Variants in HERC1 observed in about 807,000 individuals in gnomAD.
HERC1 encodes HECT and RLD domain containing E3 ubiquitin protein ligase family member 1.
HERC1 carries 160 observed loss-of-function variants against 554.3 expected under a neutral mutation model. The observed-to-expected ratio is 0.29, with a 90% confidence interval of 0.25 to 0.33. HERC1 has a LOEUF of 0.33. HERC1 is among the 10% of genes least tolerant of loss of function. HERC1 has a pLI of 1.00. For missense variants in HERC1, 4,919 were observed against 5,918.5 expected, an observed-to-expected ratio of 0.83 and a Z score of 5.54; for synonymous variants, 2,175 against 2,131.7, an observed-to-expected ratio of 1.02 and a Z score of -0.56.
intron 37 of HERC1, among the ~76,000 whole-genome samples, chr15:63,676,074 G>A (rs907923658): frequency 6.6e-6 from 1 of 151,764 alleles, no homozygotes; most frequent in Non-Finnish European, 1.5e-5. Context: ...TGGCTTTTTT[G>A]TATTTTTAGT....
chr15:63,797,864 C>CA (rs1490842464), intron 1 of HERC1, among the ~76,000 whole-genome samples: 1 of 152,070 alleles, frequency 6.6e-6, no homozygotes, highest in Non-Finnish European at 1.5e-5. Context: ...AAACAATTTT[C>CA]AAAAAATTAA....
At chr15:63,715,377 T>G (rs2073501614) in intron 22 of HERC1, among the ~76,000 whole-genome samples, 2 of 152,220 alleles carry the variant, frequency 1.3e-5, no homozygotes, top group Admixed American at 1.3e-4. Context: ...TCCAGGAATT[T>G]CTAAACTAAA....
intron 1 of HERC1, among the ~76,000 whole-genome samples, chr15:63,811,158 G>T (rs1042410300): frequency 6.6e-6 from 1 of 152,192 alleles, no homozygotes; most frequent in Non-Finnish European, 1.5e-5. Context: ...AAACAAGAAA[G>T]ATTTAAACAC....
intron 19 of HERC1, among the ~76,000 whole-genome samples, chr15:63,722,736 A>G (rs2073874226): frequency 6.6e-6 from 1 of 152,148 alleles, no homozygotes; most frequent in South Asian, 2.1e-4. Context: ...TAATTGTTCT[A>G]TTTTATTACT....
intron 19 of HERC1, among the ~76,000 whole-genome samples, chr15:63,720,737 T>G (rs1214584579): frequency 6.6e-6 from 1 of 152,178 alleles, no homozygotes; most frequent in South Asian, 2.1e-4. Flanking sequence ...TTGCTTGCTA[T>G]TCTGAGAACT....
chr15:63,802,768 G>A (rs1399767925), intron 1 of HERC1, among the ~76,000 whole-genome samples: 1 of 152,222 alleles, frequency 6.6e-6, no homozygotes, highest in Admixed American at 6.5e-5. Context: ...GTTACTGCAA[G>A]TAAGTTTAAG....
In HERC1 at chr15:63,666,468, C is replaced by T. The variant is rs2070644660; in HGVS notation, c.8211G>A (p.Leu2737=). The part of the protein sequence containing the change: ...QSARPANRTA[L]SDPSSRLSTS... ...TTGAAAGTCTACTGCTTGGGTCTGA[C>T]AAGGCTGAGACAAAAGGAAGAGAAA... is the stretch of plus-strand genomic sequence containing the variant. Residue 2737 remains leucine, a synonymous_variant, in exon 41 of 78, where the codon TTG becomes TTA. Transcript: ENST00000443617. 1 of 1,596,130 alleles carries T rather than the reference C, an allele frequency of 6.3e-7. No homozygotes were observed. The highest frequency in any genetic ancestry group is 1.1e-5 in the South Asian group (1 of 89,556).
chr15:63,616,802 C>A, intron 74 of HERC1, 120 bp from the exon 75 acceptor site: 1 of 850,758 alleles, frequency 1.2e-6, no homozygotes. Flanking sequence ...ATCCATTAGC[C>A]ACATAAGGCT....
intron 42 of HERC1, 86 bp downstream of exon 42, chr15:63,665,833 T>C: frequency 2.1e-6 from 2 of 935,020 alleles, no homozygotes; most frequent in East Asian, 2.4e-5. Context: ...TACATACAAT[T>C]AGAAGCATTT....
chr15:63,612,654 C>T lies in HERC1; in HGVS notation c.14095-98G>A, dbSNP rs1263567723. On this transcript the variant is annotated intron_variant, in intron 76 of 77. Coordinates refer to ENST00000443617, the MANE Select transcript of HERC1 (RefSeq NM_003922.4). This position sits in a 1 kb window ranked among gnomAD's most constrained non-coding sequence, Gnocchi z 5.0. The stretch of plus-strand genomic sequence containing the variant: ...AGGCGCCTCCTGATGCCTGCTCGTC[C>T]GCTCCCCAGACCCTCTACTTGTTTC... 5.2e-6 allele frequency: 6 copies of T among 1,158,290 alleles called. No homozygotes were observed. Among genetic ancestry groups the T allele is most frequent in the South Asian group, 4.5e-5 (3 of 66,296 alleles). The allele number at this position is 1,158,290 out of a possible 1,614,324, so 71.8% of individuals were successfully genotyped here. A position where few individuals can be genotyped will look rare whatever the true frequency, so the allele number is the denominator to read the frequency against.
rs1202458308 is a variant in HERC1 at position 63,727,127 on chromosome 15, T to C, written c.3346+520A>G. Among the ~76,000 whole-genome samples, 2 of 151,978 alleles carry C rather than the reference T, an allele frequency of 1.3e-5. No individual in the cohort carries two copies. The highest frequency in any genetic ancestry group is 2.9e-5 in the Non-Finnish European group (2 of 67,980). ...CCCGTCTCTACTAAAAATACAAAAA[T>C]TAGCTGGACGTGGTGGTGCATGCCT... On this transcript the variant is annotated intron_variant, in intron 17 of 77. Coordinates refer to ENST00000443617, the MANE Select transcript of HERC1 (RefSeq NM_003922.4). The surrounding 1 kb of genome is among the most constrained non-coding windows in gnomAD (Gnocchi z 4.3).
intron 51 of HERC1, 72 bp from the exon 52 acceptor site, chr15:63,652,613 C>A: frequency 1.6e-6 from 2 of 1,259,846 alleles, no homozygotes; most frequent in Non-Finnish European, 2.2e-6. Flanking sequence ...AAGTTGTATC[C>A]AATTTTTAAA....
intron 27 of HERC1, 93 bp downstream of exon 27, chr15:63,696,031 A>G: frequency 1.1e-6 from 1 of 921,956 alleles, no homozygotes; most frequent in East Asian, 2.6e-5. Flanking sequence ...TGTATTTTTA[A>G]ACTGAATCAT....
At chr15:63,643,324 C>T in intron 58 of HERC1, 80 bp downstream of exon 58, 1 of 1,257,336 alleles carries the variant, frequency 8.0e-7, no homozygotes, top group Non-Finnish European at 1.1e-6. Flanking sequence ...AATGTTTCTA[C>T]AATTGGTTAA....
intron 1 of HERC1, among the ~76,000 whole-genome samples, chr15:63,818,900 A>C (rs1045168320): frequency 1.3e-5 from 2 of 152,240 alleles, no homozygotes; most frequent in Admixed American, 1.3e-4. Context: ...AGTAGGTTTT[A>C]ATTAAAATAT....
intron 76 of HERC1, among the ~76,000 whole-genome samples, chr15:63,613,353 C>T (rs1299307288): frequency 1.3e-5 from 2 of 152,158 alleles, no homozygotes; most frequent in Admixed American, 6.5e-5. Context: ...TAGGGTGCAA[C>T]CAGGGGCTGC....
At chr15:63,782,268 T>G (rs1402569508) in intron 1 of HERC1, among the ~76,000 whole-genome samples, 2 of 152,218 alleles carry the variant, frequency 1.3e-5, no homozygotes, top group Non-Finnish European at 2.9e-5. Context: ...AAGGACAGGT[T>G]GAGTCTCTTG....
In HERC1 at chr15:63,775,695, A is replaced by G. The variant is rs1385514914; in HGVS notation, c.-26-46T>C. 3.8e-5 allele frequency: 47 copies of G among 1,244,112 alleles called. 1 individual carries two copies. In the East Asian group the frequency reaches 1.1e-3, roughly 29 times the overall value. 77.1% of individuals were successfully genotyped at this position (1,244,112 alleles called of 1,614,324 possible). ...ACAGTCAAAAACATACAGAGGACTC[A>G]TAAAATGTTTCCAAAATTTCATCTT... On this transcript the variant is annotated intron_variant, in intron 1 of 77. Transcript: ENST00000443617. This position sits in a 1 kb window ranked among gnomAD's most constrained non-coding sequence, Gnocchi z 4.0.
intron 1 of HERC1, among the ~76,000 whole-genome samples, chr15:63,776,162 T>C (rs1326460256): frequency 6.6e-6 from 1 of 152,180 alleles, no homozygotes. Context: ...CAATTTTTTA[T>C]CTCCAACCCA....
Sources: gnomAD v4.1 joint callset for allele counts (sites outside exome capture counted in the v4.1 genomes callset) on GRCh38, gnomAD v4.1.1 for gene constraint, Gnocchi (gnomAD v3.1) non-coding constraint, MANE v1.5 for transcripts, NCBI Gene and HGNC (gene_info 2026-07-23, HGNC 2026-07-21) for gene names.